AKAP17A: variants seen among roughly 807,000 people sequenced by gnomAD.
AKAP17A encodes the protein A-kinase anchor protein 17A.
Under a neutral mutation model 52.2 loss-of-function variants are expected in AKAP17A, and 15 were observed. The ratio of observed to expected loss-of-function variants is 0.29; its 90% confidence interval spans 0.19 to 0.44. The LOEUF (loss-of-function observed/expected upper bound fraction) is 0.44. Ranked by LOEUF, AKAP17A falls within the 20% of genes least tolerant of loss-of-function variation. The pLI is 1.00. For synonymous variants in AKAP17A, 514 were observed against 424.7 expected (o/e 1.21, Z -2.58); for missense variants, 1,060 against 1,007.0 (o/e 1.05, Z -0.71).
chrX:1,599,296 A>G lies in AKAP17A; in HGVS notation c.1016A>G (p.Lys339Arg). 4 of 1,610,562 alleles carry G rather than the reference A, an allele frequency of 2.5e-6. No homozygotes were observed. The South Asian group carries it at 4.4e-5, about 18-fold the overall frequency. ...QRDRELRRNQKKLEKLQAEEQ... is the reference protein window; with the variant it reads ...QRDRELRRNQRKLEKLQAEEQ... Reference sequence around the variant, plus strand: ...GACCGTGAGCTGCGCCGGAATCAGAAGAAGCTGGAGAAGCTGCAGGCGGAG... The same window carrying G: ...GACCGTGAGCTGCGCCGGAATCAGAGGAAGCTGGAGAAGCTGCAGGCGGAG... Residue 339 changes from lysine to arginine, a missense_variant, in exon 4 of 5, where the codon AAG (lysine) becomes AGG (arginine). Transcript: ENST00000313871.
Position 1,602,334 on chromosome X carries a change from T to C in AKAP17A, c.*740T>C, listed in dbSNP as rs1254835229. On this transcript the variant is annotated 3_prime_UTR_variant, in exon 5 of 5. Coordinates refer to ENST00000313871, the MANE Select transcript of AKAP17A (RefSeq NM_005088.3). Reference sequence around the variant, plus strand: ...TGGTTTTTTTAAGAAGCTGTTTTGCTAAATTATTTTTACTTGGAATGTTTC... The same window carrying C: ...TGGTTTTTTTAAGAAGCTGTTTTGCCAAATTATTTTTACTTGGAATGTTTC... The C allele has an allele frequency of 6.6e-6, 1 of 152,220 alleles. No individual in the cohort carries two copies. Among genetic ancestry groups the C allele is most frequent in the Non-Finnish European group, 1.5e-5 (1 of 68,040 alleles). The allele number at this position is 152,220 out of a possible 1,614,324, so 9.4% of individuals were successfully genotyped here. A position where few individuals can be genotyped will look rare whatever the true frequency, so the allele number is the denominator to read the frequency against.
intron 4 of AKAP17A, chrX:1,599,751 AG>A (rs1251683436): frequency 1.6e-6 from 1 of 615,914 alleles, no homozygotes; most frequent in Non-Finnish European, 2.9e-6. Context: ...CAGAGAGTGC[AG>A]GGGGCCGCTC....
At chrX:1,592,968 C>G (rs1218725146) in intron 1 of AKAP17A, among the ~76,000 whole-genome samples, 2 of 152,164 alleles carry the variant, frequency 1.3e-5, no homozygotes, top group African/African-American at 4.8e-5. Context: ...AGGGCAAGTA[C>G]AGGGCCGCCG....
In AKAP17A at chrX:1,593,831, C is replaced by T. The variant is rs773508085; in HGVS notation, c.369C>T (p.Thr123=). ...RAAEFKIDFP[T]RHDWDSFFRD... ...CCGAGTTCAAGATCGACTTCCCCAC[C>T]CGCCACGACTGGGACTCCTTCTTCC... The change falls in exon 2 of 5, where the codon ACC becomes ACT. Residue 123 remains threonine, a synonymous_variant. Coordinates refer to ENST00000313871, the MANE Select transcript of AKAP17A (RefSeq NM_005088.3). 2 of 1,610,846 alleles carry T rather than the reference C, an allele frequency of 1.2e-6. No homozygotes were observed. The highest frequency in any genetic ancestry group is 2.2e-5 in the South Asian group (2 of 90,834).
At chrX:1,593,123 T>TGTGAGGG (rs1932867883) in intron 1 of AKAP17A, among the ~76,000 whole-genome samples, 1 of 152,090 alleles carries the variant, frequency 6.6e-6, no homozygotes, top group African/African-American at 2.4e-5. Flanking sequence ...GGCCTGGTCG[T>TGTGAGGG]GCTCAGCTTC....
rs141571122 is a variant in AKAP17A at position 1,596,089 on chromosome X, G to A, written c.911+557G>A. Among the ~76,000 whole-genome samples, 175 of 152,136 alleles carry A rather than the reference G, an allele frequency of 1.2e-3. 3 individuals carry two copies. In the East Asian group the frequency reaches 0.032, roughly 28 times the overall value. ...CCCAGGACCGCGCCTTGCCCGAAGA[G>A]CCACCTCTTCTCCCTCCACATGCTG... On this transcript the variant is annotated intron_variant, in intron 3 of 4. Coordinates refer to ENST00000313871, the MANE Select transcript of AKAP17A (RefSeq NM_005088.3).
chrX:1,596,364 T>C (rs1163433998), intron 3 of AKAP17A, among the ~76,000 whole-genome samples: 1 of 152,046 alleles, frequency 6.6e-6, no homozygotes, highest in African/African-American at 2.4e-5. Flanking sequence ...TTGTAGCCCC[T>C]TTTATCTTCT....
At chrX:1,598,194 G>GACAGCTC (rs1308900443) in intron 3 of AKAP17A, among the ~76,000 whole-genome samples, 4 of 150,344 alleles carry the variant, frequency 2.7e-5, no homozygotes, top group African/African-American at 1.0e-4. Context: ...GTGGGGCGGT[G>GACAGCTC]ACAGCTCACA....
At chrX:1,594,354 C>T in intron 2 of AKAP17A, 130 bp downstream of exon 2, 1 of 1,099,488 alleles carries the variant, frequency 9.1e-7, no homozygotes, top group South Asian at 1.9e-5. Context: ...ATGGCAGCAA[C>T]AGTCCTGTGC....
At chrX:1,595,641 C>T in intron 3 of AKAP17A, 109 bp downstream of exon 3, 4 of 1,516,858 alleles carry the variant, frequency 2.6e-6, no homozygotes, top group Admixed American at 1.8e-5. Context: ...TGTGTGCATG[C>T]ATGCTTGTGA....
chrX:1,594,190 G>T lies in AKAP17A; in HGVS notation c.728G>T (p.Gly243Val). Reference protein sequence around the residue: ...ALRGMKLMYKGEDGKAVACNI... With the variant: ...ALRGMKLMYKVEDGKAVACNI... ...CGCGGGATGAAACTCATGTACAAGG[G>T]CGAGGACGGCAAGGCCGTGGCCTGC... The change falls in exon 2 of 5, where the codon GGC becomes GTC. Residue 243 changes from glycine (G) to valine (V), a missense_variant. Gly to Val is a moderately radical substitution (Grantham distance 109, BLOSUM62 -3). Coordinates refer to ENST00000313871, the MANE Select transcript of AKAP17A (RefSeq NM_005088.3). 1 of 1,569,168 alleles carries T rather than the reference G, an allele frequency of 6.4e-7. No homozygotes were observed. The highest frequency in any genetic ancestry group is 2.3e-5 in the East Asian group (1 of 44,166).
chrX:1,595,675 T>C (rs1179586101), intron 3 of AKAP17A, 143 bp downstream of exon 3: 9 of 1,294,086 alleles, frequency 7.0e-6, no homozygotes, highest in Non-Finnish European at 9.8e-6. Context: ...CCTGTGTGCA[T>C]GGACGCACGT....
chrX:1,594,717 C>G (rs1446785100), intron 2 of AKAP17A, among the ~76,000 whole-genome samples: 1 of 151,734 alleles, frequency 6.6e-6, no homozygotes, highest in Non-Finnish European at 1.5e-5. Context: ...CTCCTGGGTT[C>G]GAGCGATTCT....
Position 1,601,438 on chromosome X carries a change from C to T in AKAP17A, c.1932C>T (p.Thr644=). Residue 644 remains threonine (T), a synonymous_variant, in exon 5 of 5, where the codon ACC becomes ACT. Transcript: ENST00000313871. ...PRRRSTSPDH[T]RSRRSHSKDR... Reference sequence around the variant, plus strand: ...GGCGCAGCACGAGCCCGGACCACACCCGGTCCCGGAGGTCCCACAGCAAAG... The same window carrying T: ...GGCGCAGCACGAGCCCGGACCACACTCGGTCCCGGAGGTCCCACAGCAAAG... The T allele has an allele frequency of 1.3e-6, 2 of 1,572,512 alleles. No individual in the cohort carries two copies. The highest frequency in any genetic ancestry group is 1.7e-6 in the Non-Finnish European group (2 of 1,166,750).
At chrX:1,596,147 T>C (rs1344751916) in intron 3 of AKAP17A, among the ~76,000 whole-genome samples, 2 of 151,592 alleles carry the variant, frequency 1.3e-5, no homozygotes, top group African/African-American at 4.9e-5. Flanking sequence ...GCAGAATGCC[T>C]TGGCTGTTTG....
At chrX:1,599,532 G>A in intron 4 of AKAP17A, 100 bp downstream of exon 4, 1 of 1,505,116 alleles carries the variant, frequency 6.6e-7, no homozygotes, top group Non-Finnish European at 9.0e-7. Context: ...TTCCCCGCCG[G>A]CTGCAGCTGT....
rs774746481 is a variant in AKAP17A, at chrX:1,599,250, A to G, written c.970A>G (p.Lys324Glu). The change falls in exon 4 of 5, where the codon AAG (lysine) becomes GAG (glutamate). Residue 324 changes from lysine to glutamate, a missense_variant. Around this residue, in one of 2 missense-constraint regions of AKAP17A, gnomAD observed 793 missense variants for 629.9 expected, o/e 1.26. Coordinates refer to ENST00000313871, the MANE Select transcript of AKAP17A (RefSeq NM_005088.3). ...RERKREEKLR[K>E]REQKQRDREL... The stretch of plus-strand genomic sequence containing the variant: ...GAGGAAAAGAGAAGAGAAGCTTCGC[A>G]AGAGGGAGCAGAAGCAGAGGGACCG... The G allele has an allele frequency of 6.2e-7, 1 of 1,612,716 alleles. No individual in the cohort carries two copies. Among genetic ancestry groups the G allele is most frequent in the South Asian group, 1.1e-5 (1 of 91,004 alleles).
intron 3 of AKAP17A, among the ~76,000 whole-genome samples, chrX:1,598,805 G>A (rs189795105): frequency 2.4e-4 from 36 of 152,310 alleles, no homozygotes; most frequent in East Asian, 2.3e-3. Context: ...GGGCAGAACC[G>A]GCGTCCTCCG....
intron 2 of AKAP17A, among the ~76,000 whole-genome samples, chrX:1,595,090 G>A (rs1277507281): frequency 2.6e-5 from 4 of 152,230 alleles, no homozygotes; most frequent in Admixed American, 2.0e-4. Context: ...GTCTCGCAGC[G>A]GTGGCGTGTC....
Sources: allele counts gnomAD v4.1 joint callset (sites outside exome capture counted in the v4.1 genomes callset), GRCh38; gene constraint gnomAD v4.1.1; regional missense constraint gnomAD v4.1.1; transcripts MANE v1.5; gene names NCBI Gene and HGNC (gene_info 2026-07-23, HGNC 2026-07-21).